The following TMEM132C variants were observed in gnomAD, a reference collection of about 807,000 sequenced individuals.
TMEM132C encodes protein phosphatase 1, regulatory subunit 152.
In TMEM132C, 29 loss-of-function variants were observed where a neutral mutation model predicts 61.4. The observed-to-expected ratio is 0.47, with a 90% confidence interval of 0.35 to 0.64. The LOEUF (loss-of-function observed/expected upper bound fraction) is 0.64. TMEM132C is among the 30% of genes least tolerant of loss of function. The pLI is 0.00. For missense variants in TMEM132C, 1,408 were observed against 1,476.9 expected (o/e 0.95, Z 0.76); for synonymous variants, 656 against 633.1 (o/e 1.04, Z -0.54).
chr12:128,368,445 C>A (rs1212633543), intron 1 of TMEM132C, among the ~76,000 whole-genome samples: 11 of 152,196 alleles, frequency 7.2e-5, no homozygotes, highest in Non-Finnish European at 1.6e-4. Context: ...TTCGTTTCTC[C>A]CTTCCTAAAG....
At chr12:128,373,479 G>A (rs1012560823) in intron 1 of TMEM132C, among the ~76,000 whole-genome samples, 5 of 152,178 alleles carry the variant, frequency 3.3e-5, no homozygotes, top group African/African-American at 1.2e-4. Flanking sequence ...TCACTTTGCA[G>A]GGGAGAAAGA....
chr12:128,605,022 AATGGATGGATGGATGG>A (rs3044836), intron 3 of TMEM132C, among the ~76,000 whole-genome samples: 5 of 149,374 alleles, frequency 3.3e-5, no homozygotes, highest in African/African-American at 9.9e-5. Context: ...ATAATAGATG[AATGGATGGATGGATGG>A]ATGGATGGAT....
intron 2 of TMEM132C, among the ~76,000 whole-genome samples, chr12:128,430,207 G>A (rs1869337654): frequency 6.6e-6 from 1 of 152,148 alleles, no homozygotes; most frequent in African/African-American, 2.4e-5. Context: ...ACCCCACTTC[G>A]CTTCGTATGA....
chr12:128,383,046 A>T (rs1195170955), intron 1 of TMEM132C, among the ~76,000 whole-genome samples: 1 of 151,804 alleles, frequency 6.6e-6, no homozygotes, highest in Non-Finnish European at 1.5e-5. Flanking sequence ...GTGTGTGTGC[A>T]CGTGAGCATC....
rs772416258 is a variant in TMEM132C, at chr12:128,415,339, C to A, written c.693C>A (p.Thr231=). ...GGACCCCTGTGGAGCTCTACTACAC[C>A]GTGCACCCAGGAAACGAGCGAGGGG... ...PEGTPVELYY[T]VHPGNERGDC... Residue 231 remains threonine (T), a synonymous_variant, in exon 2 of 9, where the codon ACC becomes ACA. Transcript: ENST00000435159. The surrounding 1 kb of genome is among the most constrained non-coding windows in gnomAD (Gnocchi z 5.8). 1 of 1,583,450 alleles carries A rather than the reference C, an allele frequency of 6.3e-7. No individual in the cohort carries two copies. Among genetic ancestry groups the A allele is most frequent in the South Asian group, 1.1e-5 (1 of 87,390 alleles).
At chr12:128,539,739 G>A (rs1043340905) in intron 2 of TMEM132C, among the ~76,000 whole-genome samples, 4 of 152,096 alleles carry the variant, frequency 2.6e-5, no homozygotes, top group Admixed American at 6.5e-5. Flanking sequence ...TCTAGGTTAC[G>A]GAGTGGCTGT....
intron 2 of TMEM132C, among the ~76,000 whole-genome samples, chr12:128,515,216 G>A (rs1360194187): frequency 1.3e-5 from 2 of 152,152 alleles, no homozygotes; most frequent in African/African-American, 4.8e-5. Flanking sequence ...AAATACACTG[G>A]GGACTTCTGA....
chr12:128,323,978 C>T (rs2135938001), intron 1 of TMEM132C, among the ~76,000 whole-genome samples: 1 of 152,308 alleles, frequency 6.6e-6, no homozygotes, highest in Middle Eastern at 3.4e-3. Flanking sequence ...GAAAACTTCC[C>T]AGAAGGGTCT....
At chr12:128,430,934 A>T (rs1869362756) in intron 2 of TMEM132C, among the ~76,000 whole-genome samples, 1 of 152,282 alleles carries the variant, frequency 6.6e-6, no homozygotes, top group Non-Finnish European at 1.5e-5. Flanking sequence ...TAGGCTAATG[A>T]ATAACCCTAC....
At chr12:128,321,986 C>T (rs1330532478) in intron 1 of TMEM132C, among the ~76,000 whole-genome samples, 2 of 152,176 alleles carry the variant, frequency 1.3e-5, no homozygotes, top group Non-Finnish European at 2.9e-5. Flanking sequence ...GAATGTATCT[C>T]CCCAGAATGA....
At chr12:128,291,164 T>A (rs1871234978) in intron 1 of TMEM132C, among the ~76,000 whole-genome samples, 1 of 152,202 alleles carries the variant, frequency 6.6e-6, no homozygotes, top group African/African-American at 2.4e-5. Flanking sequence ...CTGAGCCAGC[T>A]GCAAGGCGAT....
chr12:128,625,487 G>A (rs564749373), intron 4 of TMEM132C, among the ~76,000 whole-genome samples: 6 of 152,206 alleles, frequency 3.9e-5, no homozygotes, highest in South Asian at 2.1e-4. Flanking sequence ...TGGACTTACA[G>A]TTCCACATGG....
intron 5 of TMEM132C, among the ~76,000 whole-genome samples, chr12:128,670,040 A>G (rs1954516451): frequency 6.6e-6 from 1 of 152,166 alleles, no homozygotes; most frequent in Admixed American, 6.5e-5. Flanking sequence ...CTCTCTTAGC[A>G]ATTTTCAAGA....
intron 2 of TMEM132C, among the ~76,000 whole-genome samples, chr12:128,501,216 G>A (rs1002575978): frequency 2.0e-5 from 3 of 152,094 alleles, no homozygotes; most frequent in Admixed American, 6.5e-5. Context: ...CTCCCCTGAT[G>A]GAACCAAGAC....
At chr12:128,475,880 C>T (rs112333429) in intron 2 of TMEM132C, among the ~76,000 whole-genome samples, 98 of 152,250 alleles carry the variant, frequency 6.4e-4, no homozygotes, top group African/African-American at 2.2e-3. Flanking sequence ...GCCCAGGACC[C>T]CACAGCTAGC....
intron 2 of TMEM132C, among the ~76,000 whole-genome samples, chr12:128,535,785 A>G (rs10847636): frequency 0.53 from 81,054 of 151,752 alleles, 22,485 homozygotes; most frequent in Middle Eastern, 0.61. Context: ...GGAGAATGGC[A>G]TGAACCCGGG....
At position 128,456,366 on chromosome 12, in the gene TMEM132C, C is replaced by CTTTTTTTTTTTTTTTTTTTTTTTTTTT. The variant is rs554652054; in HGVS notation, c.974+40779_974+40805dup. ...ACCTTAATTCTATGGTCTGATTAGC[C>CTTTTTTTTTTTTTTTTTTTTTTTTTTT]TTTTTTTTTTTTTTTTTTTTTTTTT... is the stretch of plus-strand genomic sequence containing the variant. On this transcript the variant is annotated intron_variant, in intron 2 of 8. Coordinates refer to ENST00000435159, the MANE Select transcript of TMEM132C (RefSeq NM_001136103.3). Among the ~76,000 whole-genome samples, 2 of 52,448 alleles carry CTTTTTTTTTTTTTTTTTTTTTTTTTTT rather than the reference C, an allele frequency of 3.8e-5. 1 individual carries two copies. The highest frequency in any genetic ancestry group is 8.0e-5 in the Non-Finnish European group (2 of 25,138). The allele number at this position is 52,448 out of a possible 152,430, so 34.4% of individuals were successfully genotyped here.
At chr12:128,439,663 A>T (rs765866172) in intron 2 of TMEM132C, among the ~76,000 whole-genome samples, 4 of 152,082 alleles carry the variant, frequency 2.6e-5, no homozygotes. Flanking sequence ...CTTTCAGCAC[A>T]CCCTACACAA....
chr12:128,678,488 C>T (rs754571146), intron 5 of TMEM132C, among the ~76,000 whole-genome samples: 1 of 152,196 alleles, frequency 6.6e-6, no homozygotes, highest in South Asian at 2.1e-4. Flanking sequence ...AGCCTCAGTT[C>T]TTTCATCTGC....
Sources: allele counts gnomAD v4.1 joint callset (sites outside exome capture counted in the v4.1 genomes callset), GRCh38; gene constraint gnomAD v4.1.1; non-coding constraint Gnocchi (gnomAD v3.1); transcripts MANE v1.5; gene names NCBI Gene and HGNC (gene_info 2026-07-23, HGNC 2026-07-21).